Variants in ZFC3H1 observed in about 807,000 individuals in gnomAD.
The protein encoded by ZFC3H1 is zinc finger C3H1 domain-containing protein.
In ZFC3H1, 71 loss-of-function variants were observed where a neutral mutation model predicts 243.7. The ratio of observed to expected loss-of-function variants is 0.29; its 90% CI spans 0.24 to 0.36. The LOEUF (loss-of-function observed/expected upper bound fraction) is 0.36, where lower values mean the gene tolerates loss of function less well. Among genes scored for constraint, ZFC3H1 ranks in the 10% least tolerant of loss-of-function variants. The pLI, the probability that ZFC3H1 is intolerant of heterozygous loss-of-function variation, is 1.00. For synonymous variants in ZFC3H1, 838 were observed against 813.0 expected (o/e 1.03, Z -0.52); for missense variants, 1,966 against 2,317.1 (o/e 0.85, Z 3.11).
chr12:71,629,453 C>T (rs1281160737), intron 19 of ZFC3H1, among the ~76,000 whole-genome samples, 156 bp downstream of exon 19: 2 of 151,854 alleles, frequency 1.3e-5, no homozygotes, highest in African/African-American at 4.8e-5. Context: ...AGGCGTGAGC[C>T]AGCGCACCCA....
At chr12:71,649,638 C>T (rs979662050) in intron 2 of ZFC3H1, among the ~76,000 whole-genome samples, 2 of 152,100 alleles carry the variant, frequency 1.3e-5, no homozygotes, top group African/African-American at 4.8e-5. Context: ...ATATGTCCCA[C>T]TGTAGAAAAA....
Position 71,636,654 on chromosome 12 carries a change from C to G in ZFC3H1, c.1936G>C (p.Glu646Gln). The stretch of plus-strand genomic sequence containing the variant: ...GGTGGGTCACTATTACTGGATGTTT[C>G]CTACATAAGGAAGAGAAAGACATTA... ...LANKRAFKPEETSSNSDPPSP... is the reference protein window; with the variant it reads ...LANKRAFKPEQTSSNSDPPSP... The change falls in exon 9 of 35, where the codon GAA (glutamate) becomes CAA (glutamine). Residue 646 changes from glutamate (E) to glutamine (Q), a missense_variant and splice_region_variant. Transcript: ENST00000378743. The G allele has an allele frequency of 6.2e-7, 1 of 1,602,148 alleles. No individual in the cohort carries two copies. The highest frequency in any genetic ancestry group is 2.2e-5 in the East Asian group (1 of 44,828).
Position 71,633,247 on chromosome 12 carries a change from T to A in ZFC3H1, c.2685+17A>T, listed in dbSNP as rs749589982. 6.4e-7 allele frequency: 1 copy of A among 1,562,086 alleles called. No individual in the cohort carries two copies. The highest frequency in any genetic ancestry group is 1.2e-5 in the South Asian group (1 of 81,940). On this transcript the variant is annotated intron_variant, in intron 13 of 34. Coordinates refer to ENST00000378743, the MANE Select transcript of ZFC3H1 (RefSeq NM_144982.5). ...ATGTGTAGTAAACAGGAGACTACAG[T>A]ATTTTAAAATAATTACTTGTTCCTG...
intron 31 of ZFC3H1, 40 bp from the exon 32 acceptor site, chr12:71,611,927 G>T: frequency 7.3e-7 from 1 of 1,360,694 alleles, no homozygotes; most frequent in Non-Finnish European, 1.0e-6. Flanking sequence ...AGCATTGCAA[G>T]TGTAACGAAC....
Position 71,636,670 on chromosome 12 carries a change from A to G in ZFC3H1, c.1936-16T>C. On this transcript the variant is annotated splice_polypyrimidine_tract_variant and intron_variant, in intron 8 of 34. Coordinates refer to ENST00000378743, the MANE Select transcript of ZFC3H1 (RefSeq NM_144982.5). Reference sequence around the variant, plus strand: ...TGGATGTTTCCTACATAAGGAAGAGAAAGACATTAAACATTCCTAAATAAA... The same window carrying G: ...TGGATGTTTCCTACATAAGGAAGAGGAAGACATTAAACATTCCTAAATAAA... 6.3e-7 allele frequency: 1 copy of G among 1,594,868 alleles called. No homozygotes were observed. Among genetic ancestry groups the G allele is most frequent in the Non-Finnish European group, 8.5e-7 (1 of 1,174,816 alleles).
intron 19 of ZFC3H1, 91 bp downstream of exon 19, chr12:71,629,518 T>C (rs1268321506): frequency 1.1e-5 from 9 of 835,968 alleles, no homozygotes; most frequent in South Asian, 4.9e-5. Context: ...ATTTCTGTCA[T>C]ACAGAAACTA....
At chr12:71,615,376 C>A in intron 27 of ZFC3H1, 60 bp from the exon 28 acceptor site, 1 of 1,101,078 alleles carries the variant, frequency 9.1e-7, no homozygotes, top group Non-Finnish European at 1.3e-6. Context: ...GAATTACACA[C>A]ATATTTTTTA....
At chr12:71,614,965 T>TA in intron 28 of ZFC3H1, 27 bp from the exon 29 acceptor site, 3 of 1,534,918 alleles carry the variant, frequency 2.0e-6, no homozygotes, top group Non-Finnish European at 2.7e-6. Flanking sequence ...GGAAAACATA[T>TA]GTCTATCATT....
rs375676195 is a variant in ZFC3H1, at chr12:71,643,981, C to T, written c.1503+114G>A. ...GCTTTCCCAATTATAACCTACCTTCCTTTTTTCCAAGAGTTATTTATAAAA... is the reference window on the plus strand; with the variant it reads ...GCTTTCCCAATTATAACCTACCTTCTTTTTTTCCAAGAGTTATTTATAAAA... On this transcript the variant is annotated intron_variant, in intron 5 of 34. Transcript: ENST00000378743. 33 of 963,466 alleles carry T rather than the reference C, an allele frequency of 3.4e-5. No homozygotes were observed. In the African/African-American group the frequency reaches 4.5e-4, roughly 13 times the overall value. The allele number at this position is 963,466 out of a possible 1,614,324, so 59.7% of individuals were successfully genotyped here.
At chr12:71,636,767 A>T in intron 8 of ZFC3H1, 83 bp downstream of exon 8, 1 of 1,564,084 alleles carries the variant, frequency 6.4e-7, no homozygotes, top group Non-Finnish European at 8.7e-7. Context: ...AAGCCCAATG[A>T]TGCCCAAGTA....
At position 71,621,332 on chromosome 12, in the gene ZFC3H1, C is replaced by G. The variant is rs1341321564; in HGVS notation, c.4745-1017G>C. Among the ~76,000 whole-genome samples the G allele has an allele frequency of 4.1e-5, 6 of 147,418 alleles. No homozygotes were observed. In the East Asian group the frequency reaches 8.0e-4, roughly 20 times the overall value. On this transcript the variant is annotated intron_variant, in intron 24 of 34. Transcript: ENST00000378743. ...TCTTTTTTTTTTTTTGAAATGGAGTCTTGCTCTGTTGCCCAGGCTGGAGTG... is the reference window on the plus strand; with the variant it reads ...TCTTTTTTTTTTTTTGAAATGGAGTGTTGCTCTGTTGCCCAGGCTGGAGTG...
Position 71,618,297 on chromosome 12 carries a change from C to A in ZFC3H1, c.5144+1018G>T, listed in dbSNP as rs1029623629. Among the ~76,000 whole-genome samples, 922 of 148,884 alleles carry A rather than the reference C, an allele frequency of 6.2e-3. 12 individuals carry two copies. Among genetic ancestry groups the A allele is most frequent in the African/African-American group, 0.021 (847 of 40,650 alleles). On this transcript the variant is annotated intron_variant, in intron 27 of 34. Transcript: ENST00000378743. ...TAAAATTAAAAAAAAAAAACAAAAACAAAAAACAAGTTCTAGGTTGAATAG... is the reference window on the plus strand; with the variant it reads ...TAAAATTAAAAAAAAAAAACAAAAAAAAAAAACAAGTTCTAGGTTGAATAG...
chr12:71,649,091 C>CAAAAA (rs35231608), intron 2 of ZFC3H1, among the ~76,000 whole-genome samples: 147 of 88,406 alleles, frequency 1.7e-3, no homozygotes, highest in Non-Finnish European at 2.5e-3. Context: ...ACTCTTGTCT[C>CAAAAA]AAAAAAAAAA....
chr12:71,624,705 T>C (rs550730400), intron 22 of ZFC3H1, among the ~76,000 whole-genome samples: 6 of 152,360 alleles, frequency 3.9e-5, no homozygotes, highest in Non-Finnish European at 7.3e-5. Flanking sequence ...CTGGACGCGA[T>C]GGCTCATGCC....
chr12:71,643,306 G>A (rs1236631475), intron 5 of ZFC3H1, among the ~76,000 whole-genome samples: 9 of 151,858 alleles, frequency 5.9e-5, no homozygotes, highest in East Asian at 5.8e-4. Context: ...CCAGCTACTC[G>A]GGAGACTGGG....
chr12:71,651,420 T>C (rs1592601677), intron 2 of ZFC3H1, among the ~76,000 whole-genome samples: 1 of 152,230 alleles, frequency 6.6e-6, no homozygotes, highest in African/African-American at 2.4e-5. Context: ...ACATCATGTT[T>C]ACTGTTTTGC....
Position 71,630,628 on chromosome 12 carries a change from A to G in ZFC3H1, c.3696T>C (p.Ser1232=), listed in dbSNP as rs771771084. Residue 1232 remains serine, a synonymous_variant, in exon 18 of 35, where the codon AGT becomes AGC. Transcript: ENST00000378743. ...CTGAAGCAGTAATTTCTTCATTAGT[A>G]CTTGTCTCTGCACAACCAATCAAAG... ...NLSLIGCAET[S]TNEEITASAE... 14 of 1,611,548 alleles carry G rather than the reference A, an allele frequency of 8.7e-6. No homozygotes were observed. In the South Asian group the frequency reaches 1.6e-4, roughly 18 times the overall value.
chr12:71,648,905 C>T (rs1350979042), intron 2 of ZFC3H1, among the ~76,000 whole-genome samples: 1 of 151,960 alleles, frequency 6.6e-6, no homozygotes, highest in African/African-American at 2.4e-5. Context: ...GCCTGGGCAA[C>T]ATGGCAAAAC....
At chr12:71,662,966 G>A (rs779276237) in intron 1 of ZFC3H1, 47 bp downstream of exon 1, 23 of 1,522,304 alleles carry the variant, frequency 1.5e-5, no homozygotes, top group African/African-American at 1.1e-4. Flanking sequence ...TGACGCTAAA[G>A]GGAACTTTAG....
Sources: allele counts gnomAD v4.1 joint callset (sites outside exome capture counted in the v4.1 genomes callset), GRCh38; gene constraint gnomAD v4.1.1; transcripts MANE v1.5; gene names NCBI Gene and HGNC (gene_info 2026-07-23, HGNC 2026-07-21).